PIEZO2: variants seen among roughly 807,000 people sequenced by gnomAD.
PIEZO2 encodes the protein piezo-type mechanosensitive ion channel component 2.
Under a neutral mutation model 337.3 loss-of-function variants are expected in PIEZO2, and 172 were observed. The ratio of observed to expected loss-of-function variants is 0.51; its 90% CI spans 0.45 to 0.58. PIEZO2 has a LOEUF of 0.58. PIEZO2 is among the 20% of genes least tolerant of loss of function. The probability of loss-of-function intolerance (pLI) is 0.00; values close to 1 mark genes in which losing one functional copy is unlikely to be tolerated. For synonymous variants in PIEZO2, 1,251 were observed against 1,228.5 expected (o/e 1.02, Z -0.38); for missense variants, 3,028 against 3,391.3 (o/e 0.89, Z 2.66).
At chr18:10,805,828 G>A (rs76461123) in intron 8 of PIEZO2, among the ~76,000 whole-genome samples, 8,604 of 152,306 alleles carry the variant, frequency 0.056, 294 homozygotes, top group Non-Finnish European at 0.066. Flanking sequence ...CTGAGATGGG[G>A]GGGAGGTAGC....
intron 1 of PIEZO2, among the ~76,000 whole-genome samples, chr18:11,076,783 G>C (rs75234234): frequency 0.031 from 4,696 of 152,200 alleles, 79 homozygotes; most frequent in South Asian, 0.051. Context: ...ATTAATAACA[G>C]TATTAAAAGT....
rs551410605 is a variant in PIEZO2, at chr18:10,809,575, CTCTCT to C, written c.918-2306_918-2302del. ...GAGCCACCGCACCTGGCATCTCTCT[CTCTCT>C]TTTTTTTTTTCTAAAGAAACTAGAT... On this transcript the variant is annotated intron_variant, in intron 7 of 55. Transcript: ENST00000674853. Among the ~76,000 whole-genome samples the C allele has an allele frequency of 5.0e-3, 306 of 61,464 alleles. 2 individuals carry two copies. Among genetic ancestry groups the C allele is most frequent in the African/African-American group, 0.016 (272 of 17,340 alleles). The allele number at this position is 61,464 out of a possible 152,430, so 40.3% of individuals were successfully genotyped here. A position where few individuals can be genotyped will look rare whatever the true frequency, so the allele number is the denominator to read the frequency against.
rs116216000 is a variant in PIEZO2 at position 10,780,584 on chromosome 18, G to A, written c.2493-218C>T. Among the ~76,000 whole-genome samples the A allele has an allele frequency of 7.3e-3, 1,108 of 151,452 alleles. 10 individuals carry two copies. The highest frequency in any genetic ancestry group is 0.026 in the African/African-American group (1,069 of 41,290). On this transcript the variant is annotated intron_variant, in intron 17 of 55. Transcript: ENST00000674853. ...ACAATGTTCAGGAAAAATGCTAAAA[G>A]ATAACAAGCCTCTCCCTTCTTCTCA...
intron 18 of PIEZO2, among the ~76,000 whole-genome samples, chr18:10,776,143 C>T (rs1225247814): frequency 6.6e-6 from 1 of 152,042 alleles, no homozygotes. Flanking sequence ...TTTATGGTAA[C>T]ATTGTTTTTA....
In PIEZO2 at chr18:10,813,328, T is replaced by C. The variant is rs2040257466; in HGVS notation, c.918-6054A>G. On this transcript the variant is annotated intron_variant, in intron 7 of 55. Transcript: ENST00000674853. The surrounding 1 kb of genome is among the most constrained non-coding windows in gnomAD (Gnocchi z 4.2). ...AGTTCAGTGGTATTAATTACACTCA[T>C]ATTGTTGCGAAACCAATCGCCAGAA... Among the ~76,000 whole-genome samples, 1 of 152,188 alleles carries C rather than the reference T, an allele frequency of 6.6e-6. No homozygotes were observed. The highest frequency in any genetic ancestry group is 2.4e-5 in the African/African-American group (1 of 41,432).
intron 31 of PIEZO2, 142 bp from the exon 32 acceptor site, chr18:10,742,757 G>T: frequency 2.4e-6 from 2 of 832,054 alleles, no homozygotes; most frequent in Non-Finnish European, 3.6e-6. Context: ...TAAAATGGTT[G>T]CTCATTAGCA....
intron 2 of PIEZO2, among the ~76,000 whole-genome samples, chr18:11,051,327 C>T (rs2037519761): frequency 6.9e-6 from 1 of 144,458 alleles, no homozygotes; most frequent in African/African-American, 2.5e-5. Flanking sequence ...ACACCTTAGA[C>T]AGCAACCATC....
At position 10,982,658 on chromosome 18, in the gene PIEZO2, G is replaced by A. The variant is rs370805149; in HGVS notation, c.161-2998C>T. ...TAAATTTTGAAATTTTGAAGAATAC[G>A]ATCGAAAGTGGGTGAGGTTGGTGTA... On this transcript the variant is annotated intron_variant, in intron 2 of 55. Transcript: ENST00000674853. The surrounding 1 kb of genome is among the most constrained non-coding windows in gnomAD (Gnocchi z 4.1). 1.6e-4 allele frequency among the ~76,000 whole-genome samples: 25 copies of A among 152,156 alleles called. No homozygotes were observed. The highest frequency in any genetic ancestry group is 3.3e-4 in the Admixed American group (5 of 15,282).
chr18:10,851,155 CTTTT>C (rs10592305), intron 7 of PIEZO2, among the ~76,000 whole-genome samples: 5 of 127,926 alleles, frequency 3.9e-5, no homozygotes, highest in Non-Finnish European at 6.6e-5. Context: ...TTTCTTTTAT[CTTTT>C]TTTTTTTTTT....
At chr18:10,733,448 A>AATT (rs530944877) in intron 35 of PIEZO2, among the ~76,000 whole-genome samples, 1 of 128,312 alleles carries the variant, frequency 7.8e-6, no homozygotes, top group Non-Finnish European at 1.6e-5. Context: ...AAACTTCCCA[A>AATT]TTTTTTTTTT....
chr18:10,720,685 T>C (rs920547885), intron 36 of PIEZO2, among the ~76,000 whole-genome samples: 6 of 151,752 alleles, frequency 4.0e-5, no homozygotes, highest in African/African-American at 1.2e-4. Flanking sequence ...GCTCAGGTGA[T>C]CCTTCTACCA....
chr18:10,986,606 C>T (rs1449444558), intron 2 of PIEZO2, among the ~76,000 whole-genome samples: 1 of 151,574 alleles, frequency 6.6e-6, no homozygotes, highest in East Asian at 1.9e-4. Context: ...ATTATAATAC[C>T]ACAGTTAACA....
intron 7 of PIEZO2, among the ~76,000 whole-genome samples, chr18:10,810,711 A>G (rs763453410): frequency 9.2e-5 from 14 of 152,118 alleles, no homozygotes; most frequent in Non-Finnish European, 1.8e-4. Flanking sequence ...TTCAGTAGCT[A>G]TGACTTTTCT....
chr18:10,958,828 A>C (rs2033647661), intron 3 of PIEZO2, among the ~76,000 whole-genome samples: 1 of 152,180 alleles, frequency 6.6e-6, no homozygotes, highest in African/African-American at 2.4e-5. Flanking sequence ...CTAAGGTATA[A>C]ATTTGGCCAC....
intron 7 of PIEZO2, among the ~76,000 whole-genome samples, chr18:10,822,816 C>A (rs1256362945): frequency 6.6e-6 from 1 of 152,080 alleles, no homozygotes; most frequent in African/African-American, 2.4e-5. Flanking sequence ...CAAAAGACAG[C>A]CAACAAACAG....
intron 2 of PIEZO2, among the ~76,000 whole-genome samples, chr18:11,014,720 C>T (rs2036039806): frequency 2.2e-5 from 3 of 137,008 alleles, no homozygotes; most frequent in Non-Finnish European, 4.6e-5. Context: ...CCCCTCATTC[C>T]TCACTGGTGG....
intron 39 of PIEZO2, among the ~76,000 whole-genome samples, chr18:10,712,303 A>G (rs2035852376): frequency 6.6e-6 from 1 of 152,208 alleles, no homozygotes; most frequent in South Asian, 2.1e-4. Context: ...GGGAGGACCT[A>G]GCTGGACTAC....
At position 11,099,585 on chromosome 18, in the gene PIEZO2, G is replaced by A. The variant is rs1259465316; in HGVS notation, c.65-33363C>T. Among the ~76,000 whole-genome samples the A allele has an allele frequency of 6.6e-6, 1 of 152,146 alleles. No homozygotes were observed. The highest frequency in any genetic ancestry group is 1.5e-5 in the Non-Finnish European group (1 of 68,040). ...GGGTTCAAATGATTCTCTGGCCTTAGCCTCCCGAGTAGCGGGGATCACAGG... is the reference window on the plus strand; with the variant it reads ...GGGTTCAAATGATTCTCTGGCCTTAACCTCCCGAGTAGCGGGGATCACAGG... On this transcript the variant is annotated intron_variant, in intron 1 of 55. Transcript: ENST00000674853. The surrounding 1 kb of genome is among the most constrained non-coding windows in gnomAD (Gnocchi z 5.4).
At chr18:10,994,825 T>C (rs1253418662) in intron 2 of PIEZO2, among the ~76,000 whole-genome samples, 1 of 150,990 alleles carries the variant, frequency 6.6e-6, no homozygotes, top group Non-Finnish European at 1.5e-5. Context: ...CTCACGCCTG[T>C]AATCCCAGCA....
Sources: allele counts gnomAD v4.1 joint callset (sites outside exome capture counted in the v4.1 genomes callset), GRCh38; gene constraint gnomAD v4.1.1; non-coding constraint Gnocchi (gnomAD v3.1); transcripts MANE v1.5; gene names NCBI Gene and HGNC (gene_info 2026-07-23, HGNC 2026-07-21).